The following NRK variants were observed in gnomAD, a reference collection of about 807,000 sequenced individuals.
The protein encoded by NRK is Nik related kinase.
NRK carries 67 observed loss-of-function variants against 125.2 expected under a neutral mutation model. The ratio of observed to expected loss-of-function variants is 0.54; its 90% CI spans 0.44 to 0.66. NRK has a LOEUF of 0.66. NRK is among the 30% of genes least tolerant of loss of function. The pLI is 0.00. For missense variants in NRK, 1,224 were observed against 1,192.9 expected (o/e 1.03, Z -0.38); for synonymous variants, 458 against 429.0 (o/e 1.07, Z -0.84).
chrX:105,906,479 C>G lies in NRK; in HGVS notation c.911C>G (p.Ser304Cys). 8.6e-7 allele frequency: 1 copy of G among 1,166,132 alleles called. No individual in the cohort carries two copies. Residue 304 changes from serine (S) to cysteine (C), a missense_variant, in exon 11 of 29, where the codon TCT becomes TGT. Physicochemically the swap from Ser to Cys is moderately radical, Grantham distance 112. Transcript: ENST00000243300. Reference protein sequence around the residue: ...TIKNFLFRPTSANMLQHPFVR... With the variant: ...TIKNFLFRPTCANMLQHPFVR... ...AAAAATTTCCTGTTTCGTCCTACTT[C>G]TGCAAACATGCTTCAACACCCATTT...
chrX:105,884,572 T>C (rs995235638), intron 4 of NRK, among the ~76,000 whole-genome samples: 16 of 111,860 alleles, frequency 1.4e-4, no homozygotes, highest in Non-Finnish European at 1.9e-4. Flanking sequence ...AACTGAGTTA[T>C]GTTTAGTTAC....
intron 9 of NRK, 22 bp downstream of exon 9, chrX:105,900,694 T>C (rs765703376): frequency 2.0e-6 from 2 of 986,101 alleles, no homozygotes; most frequent in Non-Finnish European, 2.9e-6. Flanking sequence ...ATGTTTGATA[T>C]TTGTTAAAGA....
intron 5 of NRK, among the ~76,000 whole-genome samples, chrX:105,889,091 A>T (rs1441459533): frequency 8.9e-6 from 1 of 112,327 alleles, no homozygotes; most frequent in Admixed American, 9.4e-5. Flanking sequence ...ATGAACCTGT[A>T]AAATCAAAAG....
At chrX:105,934,513 C>A in intron 20 of NRK, 69 bp downstream of exon 20, 1 of 619,173 alleles carries the variant, frequency 1.6e-6, no homozygotes, top group Non-Finnish European at 2.5e-6. Context: ...TTAACCACTG[C>A]TTCATGATCT....
chrX:105,855,434 CAT>C (rs1443878094), intron 2 of NRK, among the ~76,000 whole-genome samples: 2 of 111,249 alleles, frequency 1.8e-5, no homozygotes, highest in Admixed American at 1.9e-4. Flanking sequence ...GAAGGAGAGA[CAT>C]ATTGAAATTA....
chrX:105,828,803 A>C (rs2039148970), intron 1 of NRK, among the ~76,000 whole-genome samples: 1 of 111,992 alleles, frequency 8.9e-6, no homozygotes, highest in African/African-American at 3.2e-5. Flanking sequence ...TGATATGCTT[A>C]ATAATAAGGG....
At chrX:105,890,000 C>T (rs916826162) in intron 5 of NRK, among the ~76,000 whole-genome samples, 1 of 112,252 alleles carries the variant, frequency 8.9e-6, no homozygotes, top group Admixed American at 9.4e-5. Context: ...AATTTCTCCT[C>T]AGAAAACGGG....
intron 4 of NRK, among the ~76,000 whole-genome samples, chrX:105,882,476 T>G (rs919321661): frequency 9.0e-6 from 1 of 111,390 alleles, no homozygotes; most frequent in African/African-American, 3.3e-5. Context: ...TCAGTAGATA[T>G]TGGTGATCTA....
At chrX:105,948,736 C>T (rs1427323064) in intron 26 of NRK, 1 of 496,324 alleles carries the variant, frequency 2.0e-6, no homozygotes, top group East Asian at 3.7e-5. Flanking sequence ...GCCTCAAGCA[C>T]CTGGCCTGAG....
intron 5 of NRK, among the ~76,000 whole-genome samples, chrX:105,890,936 G>T (rs994469515): frequency 2.7e-5 from 3 of 111,296 alleles, no homozygotes; most frequent in African/African-American, 9.8e-5. Flanking sequence ...TGGTGGGATG[G>T]GGGAGGACTC....
In NRK at chrX:105,888,396, C is replaced by T. The variant is rs61998202; in HGVS notation, c.355C>T (p.Pro119Ser). Reference sequence around the variant, plus strand: ...TGGAGCATTTTTCAAGCTGAGTCCCCCTGGTCAGCGGCACCAACTTTGGGT... The same window carrying T: ...TGGAGCATTTTTCAAGCTGAGTCCCTCTGGTCAGCGGCACCAACTTTGGGT... ...FYGAFFKLSP[P>S]GQRHQLWMVM... Residue 119 changes from proline to serine, a missense_variant, in exon 5 of 29, where the codon CCT becomes TCT. Coordinates refer to ENST00000243300, the MANE Select transcript of NRK (RefSeq NM_198465.4). 432 of 1,196,622 alleles carry T rather than the reference C, an allele frequency of 3.6e-4. 5 individuals carry two copies. The African/African-American group carries it at 6.9e-3, about 19-fold the overall frequency.
intron 2 of NRK, among the ~76,000 whole-genome samples, chrX:105,849,499 C>T (rs942574001): frequency 1.8e-5 from 2 of 111,366 alleles, no homozygotes; most frequent in East Asian, 2.8e-4. Context: ...TCCGTAGTCC[C>T]GTATTAACTC....
intron 2 of NRK, among the ~76,000 whole-genome samples, chrX:105,831,855 G>A (rs2039197238): frequency 8.9e-6 from 1 of 111,785 alleles, no homozygotes; most frequent in African/African-American, 3.2e-5. Context: ...TTAAAAAAAT[G>A]CGTAATGTAC....
intron 2 of NRK, among the ~76,000 whole-genome samples, chrX:105,836,050 C>T (rs1178972819): frequency 4.5e-5 from 5 of 112,185 alleles, no homozygotes; most frequent in African/African-American, 1.3e-4. Context: ...CTTCCCTCTA[C>T]AGCCACAGGT....
intron 23 of NRK, among the ~76,000 whole-genome samples, chrX:105,943,338 G>C (rs1231408080): frequency 1.8e-5 from 2 of 111,561 alleles, no homozygotes; most frequent in Non-Finnish European, 3.8e-5. Flanking sequence ...ATAGATGTAT[G>C]GGTTTATTTG....
chrX:105,941,137 C>T (rs2040735256), intron 23 of NRK, among the ~76,000 whole-genome samples: 1 of 111,598 alleles, frequency 9.0e-6, no homozygotes, highest in South Asian at 3.8e-4. Context: ...ACTACCTCCT[C>T]CTAACTTGTA....
intron 15 of NRK, among the ~76,000 whole-genome samples, chrX:105,917,092 G>C (rs1270327306): frequency 2.7e-5 from 3 of 110,970 alleles, no homozygotes; most frequent in Non-Finnish European, 5.7e-5. Flanking sequence ...GAACGAAAGT[G>C]CTCTATTTTT....
At chrX:105,935,512 A>G (rs2040651643) in intron 21 of NRK, among the ~76,000 whole-genome samples, 187 bp downstream of exon 21, 1 of 109,375 alleles carries the variant, frequency 9.1e-6, no homozygotes, top group African/African-American at 3.3e-5. Flanking sequence ...GTTTGAATTG[A>G]CGGCCCCCAC....
chrX:105,832,325 T>C (rs1029472721), intron 2 of NRK, among the ~76,000 whole-genome samples: 1 of 111,519 alleles, frequency 9.0e-6, no homozygotes, highest in Admixed American at 9.5e-5. Flanking sequence ...GGTGGAGGCA[T>C]GGACAGTGTT....
Sources: gnomAD v4.1 joint callset for allele counts (sites outside exome capture counted in the v4.1 genomes callset) on GRCh38, gnomAD v4.1.1 for gene constraint, MANE v1.5 for transcripts, NCBI Gene and HGNC (gene_info 2026-07-23, HGNC 2026-07-21) for gene names.